The following N4BP3 variants were observed in gnomAD, a reference collection of about 807,000 sequenced individuals.
N4BP3 encodes the protein NEDD4-binding protein 3.
N4BP3 carries 33 observed loss-of-function variants against 43.8 expected under a neutral mutation model. The ratio of observed to expected loss-of-function variants is 0.75; its 90% CI spans 0.57 to 1.01. The LOEUF (loss-of-function observed/expected upper bound fraction) is 1.01, where lower values mean the gene tolerates loss of function less well. N4BP3 is among the 50% of genes least tolerant of loss of function. N4BP3 has a pLI of 0.00. For synonymous variants in N4BP3, 326 were observed against 321.9 expected, an observed-to-expected ratio of 1.01 and a Z score of -0.14; for missense variants, 756 against 744.2, an observed-to-expected ratio of 1.02 and a Z score of -0.18.
Position 178,120,715 on chromosome 5 carries a change from C to A in N4BP3, c.852+16C>A. 1 of 1,563,224 alleles carries A rather than the reference C, an allele frequency of 6.4e-7. No homozygotes were observed. Among genetic ancestry groups the A allele is most frequent in the Non-Finnish European group, 8.6e-7 (1 of 1,159,940 alleles). On this transcript the variant is annotated intron_variant, in intron 3 of 4. Transcript: ENST00000274605. ...CTTCACGCAGGTGAGGGAGCCCCTG[C>A]CCTGGAGTCCTGTTCTGTGCCTCAG... is the stretch of plus-strand genomic sequence containing the variant.
Position 178,125,736 on chromosome 5 carries a change from A to G in N4BP3, c.*3735A>G, listed in dbSNP as rs1381397822. 2 of 152,046 alleles carry G rather than the reference A, an allele frequency of 1.3e-5. No homozygotes were observed. The highest frequency in any genetic ancestry group is 4.8e-5 in the African/African-American group (2 of 41,382). The allele number at this position is 152,046 out of a possible 1,614,324, so 9.4% of individuals were successfully genotyped here. A position where few individuals can be genotyped will look rare whatever the true frequency, so the allele number is the denominator to read the frequency against. ...TTCATTTTGCTTTGGGCTTACTTAGAGTTTTGGCAAATGCAGAGTTATGTA... is the reference window on the plus strand; with the variant it reads ...TTCATTTTGCTTTGGGCTTACTTAGGGTTTTGGCAAATGCAGAGTTATGTA... On this transcript the variant is annotated 3_prime_UTR_variant, in exon 5 of 5. Coordinates refer to ENST00000274605, the MANE Select transcript of N4BP3 (RefSeq NM_015111.2).
At chr5:178,126,413 C>T (rs1284591848), downstream of N4BP3, among the ~76,000 whole-genome samples, 1 of 152,058 alleles carries the variant, frequency 6.6e-6, no homozygotes, top group Non-Finnish European at 1.5e-5. Context: ...CTCCTAACCT[C>T]GTGATCCACC....
At position 178,120,252 on chromosome 5, in the gene N4BP3, G is replaced by C. The variant is rs377627701; in HGVS notation, c.405G>C (p.Ala135=). 6.3e-5 allele frequency: 101 copies of C among 1,607,730 alleles called. No individual in the cohort carries two copies. Among genetic ancestry groups the C allele is most frequent in the Non-Finnish European group, 7.7e-6 (9 of 1,176,210 alleles). Residue 135 remains alanine, a synonymous_variant, in exon 3 of 5, where the codon GCG becomes GCC. Transcript: ENST00000274605. ...GKGFLSMQSL[A]SHKGQKLWRS... is the part of the protein sequence containing the mutation. ...GCTTCCTATCCATGCAAAGTCTGGC[G>C]TCCCACAAAGGCCAGAAGCTGTGGC...
intron 1 of N4BP3, among the ~76,000 whole-genome samples, chr5:178,114,715 C>T (rs982935728): frequency 2.6e-5 from 4 of 152,208 alleles, no homozygotes; most frequent in Non-Finnish European, 5.9e-5. Context: ...GTGCATGTGC[C>T]AGACTGTGAA....
rs1438894223 is a variant in N4BP3, at chr5:178,120,425, G to T, written c.578G>T (p.Ser193Ile). The T allele has an allele frequency of 6.8e-6, 11 of 1,612,906 alleles. No homozygotes were observed. The highest frequency in any genetic ancestry group is 8.5e-6 in the Non-Finnish European group (10 of 1,180,000). The change falls in exon 3 of 5, where the codon AGT (serine) becomes ATT (isoleucine). Residue 193 changes from serine (S) to isoleucine (I), a missense_variant. Physicochemically the swap from Ser to Ile is moderately radical, Grantham distance 142. Coordinates refer to ENST00000274605, the MANE Select transcript of N4BP3 (RefSeq NM_015111.2). ...EPEPSLSDSS[S>I]GGSFGRSPGT... is the part of the protein sequence containing the mutation. ...GAGCCCAGCCTGTCCGACTCCTCCAGTGGGGGTAGTTTTGGTCGCAGTCCT... is the reference window on the plus strand; with the variant it reads ...GAGCCCAGCCTGTCCGACTCCTCCATTGGGGGTAGTTTTGGTCGCAGTCCT...
intron 1 of N4BP3, among the ~76,000 whole-genome samples, chr5:178,116,931 T>C (rs1162583147): frequency 6.6e-6 from 1 of 152,204 alleles, no homozygotes; most frequent in Admixed American, 6.5e-5. Context: ...TCAGTAATCC[T>C]TTGAGGAAAG....
rs183720737 is a variant in N4BP3, at chr5:178,113,942, C to T, written c.-31+171C>T. On this transcript the variant is annotated intron_variant, in intron 1 of 4. Transcript: ENST00000274605. ...GGGGTGGCAAGGTGCGGCGTGCGCC[C>T]AGGTGTCCCCTGCTCCCGGTCACCG... Among the ~76,000 whole-genome samples the T allele has an allele frequency of 2.4e-3, 362 of 152,306 alleles. 7 individuals are homozygous for T. The East Asian group carries it at 0.043, about 18-fold the overall frequency.
intron 3 of N4BP3, 40 bp from the exon 4 acceptor site, chr5:178,121,058 G>T (rs766583967): frequency 1.3e-5 from 20 of 1,582,328 alleles, no homozygotes; most frequent in South Asian, 6.7e-5. Context: ...TCGCCTCTAG[G>T]GGGCAGGGCC....
Position 178,121,164 on chromosome 5 carries a change from G to A in N4BP3, c.919G>A (p.Glu307Lys), listed in dbSNP as rs749999931. 2.5e-6 allele frequency: 4 copies of A among 1,601,374 alleles called. No individual in the cohort carries two copies. The highest frequency in any genetic ancestry group is 2.2e-5 in the East Asian group (1 of 44,756). Residue 307 changes from glutamate (E) to lysine (K), a missense_variant, in exon 4 of 5, where the codon GAG becomes AAG. Coordinates refer to ENST00000274605, the MANE Select transcript of N4BP3 (RefSeq NM_015111.2). ...LKRLYVERLH[E>K]VTQKAERSER... ...GCGCCTGTATGTGGAGCGGCTGCAC[G>A]AGGTGACCCAGAAGGCTGAGCGCAG...
chr5:178,115,343 C>A (rs950114593), intron 1 of N4BP3, among the ~76,000 whole-genome samples: 1 of 152,112 alleles, frequency 6.6e-6, no homozygotes, highest in African/African-American at 2.4e-5. Context: ...TGCCTACTAC[C>A]CCCCCCTTTT....
rs1459722864 is a variant in N4BP3 at position 178,123,269 on chromosome 5, T to TA, written c.*1269dup. 1 of 152,394 alleles carries TA rather than the reference T, an allele frequency of 6.6e-6. No individual in the cohort carries two copies. Among genetic ancestry groups the TA allele is most frequent in the East Asian group, 1.9e-4 (1 of 5,194 alleles). 9.4% of individuals were successfully genotyped at this position (152,394 alleles called of 1,614,324 possible). On this transcript the variant is annotated 3_prime_UTR_variant, in exon 5 of 5. Coordinates refer to ENST00000274605, the MANE Select transcript of N4BP3 (RefSeq NM_015111.2). ...TCCTTTGAGGGAAGCTCAGCTTTCT[T>TA]ACGCGCTCATCGTTGGACGGGCTGC...
chr5:178,122,052 A>T lies in N4BP3; in HGVS notation c.*51A>T, dbSNP rs1350395570. 1 of 1,516,098 alleles carries T rather than the reference A, an allele frequency of 6.6e-7. No individual in the cohort carries two copies. The highest frequency in any genetic ancestry group is 2.3e-5 in the East Asian group (1 of 43,384). 93.9% of individuals were successfully genotyped at this position (1,516,098 alleles called of 1,614,324 possible). ...CAACACTGTCAGAAGGTGCCCTGAGACGGCCGGCTCAGCCTTCCCTTGCAC... is the reference window on the plus strand; with the variant it reads ...CAACACTGTCAGAAGGTGCCCTGAGTCGGCCGGCTCAGCCTTCCCTTGCAC... On this transcript the variant is annotated 3_prime_UTR_variant, in exon 5 of 5. Transcript: ENST00000274605.
Position 178,120,435 on chromosome 5 carries a change from T to A in N4BP3, c.588T>A (p.Ser196Arg). The change falls in exon 3 of 5, where the codon AGT becomes AGA. Residue 196 changes from serine (S) to arginine (R), a missense_variant. Ser to Arg is a moderately radical substitution (Grantham distance 110, BLOSUM62 -1). Coordinates refer to ENST00000274605, the MANE Select transcript of N4BP3 (RefSeq NM_015111.2). ...TGTCCGACTCCTCCAGTGGGGGTAGTTTTGGTCGCAGTCCTGGTACTGGCC... is the reference window on the plus strand; with the variant it reads ...TGTCCGACTCCTCCAGTGGGGGTAGATTTGGTCGCAGTCCTGGTACTGGCC... ...PSLSDSSSGG[S>R]FGRSPGTGPS... The A allele has an allele frequency of 6.2e-7, 1 of 1,612,880 alleles. No individual in the cohort carries two copies. Among genetic ancestry groups the A allele is most frequent in the African/African-American group, 1.3e-5 (1 of 75,008 alleles).
Position 178,119,831 on chromosome 5 carries a change from A to G in N4BP3, c.248A>G (p.Tyr83Cys). 1 of 1,613,242 alleles carries G rather than the reference A, an allele frequency of 6.2e-7. No individual in the cohort carries two copies. The highest frequency in any genetic ancestry group is 8.5e-7 in the Non-Finnish European group (1 of 1,179,988). ...KRAPRNEPAD[Y>C]ATLYYREHSR... is the part of the protein sequence containing the mutation. ...GCCCCTCGGAACGAGCCTGCCGACT[A>G]TGCCACCCTCTACTACCGGGAACAT... Residue 83 changes from tyrosine to cysteine, a missense_variant, in exon 2 of 5, where the codon TAT becomes TGT. By Grantham distance (194) the Tyr-to-Cys change is radical. Transcript: ENST00000274605.
Position 178,124,438 on chromosome 5 carries a change from CCACAGGTGTCACTGAT to C in N4BP3, c.*2450_*2465del, listed in dbSNP as rs1353406080. On this transcript the variant is annotated 3_prime_UTR_variant, in exon 5 of 5. Coordinates refer to ENST00000274605, the MANE Select transcript of N4BP3 (RefSeq NM_015111.2). ...GCTGGGTGGCTCTGGGGCCAACCGA[CCACAGGTGTCACTGAT>C]CACAGGTGTCACCGTAGTGGCTACC... The C allele has an allele frequency of 2.0e-5, 3 of 152,480 alleles. No individual in the cohort carries two copies. The highest frequency in any genetic ancestry group is 7.2e-5 in the African/African-American group (3 of 41,562). The allele number at this position is 152,480 out of a possible 1,614,324, so 9.4% of individuals were successfully genotyped here.
Position 178,121,936 on chromosome 5 carries a change from G to A in N4BP3, c.1570G>A (p.Glu524Lys), listed in dbSNP as rs377505162. ...MYRRNQALEQ[E>K]LRALREPPTP... ...CCGCCGCAACCAGGCACTGGAGCAG[G>A]AACTGCGGGCACTGCGGGAGCCCCC... is the stretch of plus-strand genomic sequence containing the variant. Residue 524 changes from glutamate to lysine, a missense_variant, in exon 5 of 5, where the codon GAA becomes AAA. By Grantham distance (56) the Glu-to-Lys change is moderately conservative (BLOSUM62 1). Coordinates refer to ENST00000274605, the MANE Select transcript of N4BP3 (RefSeq NM_015111.2). The A allele has an allele frequency of 6.2e-7, 1 of 1,612,202 alleles. No homozygotes were observed. The highest frequency in any genetic ancestry group is 1.1e-5 in the South Asian group (1 of 91,016).
Position 178,122,212 on chromosome 5 carries a change from TA to T in N4BP3, c.*212del. On this transcript the variant is annotated 3_prime_UTR_variant, in exon 5 of 5. Transcript: ENST00000274605. ...AAGGCCCTCCTGGCAGAGGAGCACCTAGGCAGGGCCCAGCCCTGCTTCCTGG... is the reference window on the plus strand; with the variant it reads ...AAGGCCCTCCTGGCAGAGGAGCACCTGGCAGGGCCCAGCCCTGCTTCCTGG... 3.5e-6 allele frequency: 2 copies of T among 575,828 alleles called. No homozygotes were observed. The highest frequency in any genetic ancestry group is 2.3e-5 in the South Asian group (1 of 42,722). 35.7% of individuals were successfully genotyped at this position (575,828 alleles called of 1,614,324 possible).
At position 178,123,722 on chromosome 5, in the gene N4BP3, T is replaced by C. The variant is rs3812077; in HGVS notation, c.*1721T>C. On this transcript the variant is annotated 3_prime_UTR_variant, in exon 5 of 5. Coordinates refer to ENST00000274605, the MANE Select transcript of N4BP3 (RefSeq NM_015111.2). ...TGTGCTTGTGGGTGGTGGGTGTGTC[T>C]GAGGGGGTGTGTTTGGGAGCCTGGC... The C allele has an allele frequency of 0.21, 32,799 of 152,946 alleles. 3,719 individuals are homozygous for C. The highest frequency in any genetic ancestry group is 0.28 in the East Asian group (1,431 of 5,172). The allele number at this position is 152,946 out of a possible 1,614,324, so 9.5% of individuals were successfully genotyped here.
rs779880847 is a variant in N4BP3 at position 178,121,583 on chromosome 5, G to T, written c.1217G>T (p.Arg406Leu). 2 of 1,613,384 alleles carry T rather than the reference G, an allele frequency of 1.2e-6. No homozygotes were observed. The highest frequency in any genetic ancestry group is 1.7e-6 in the Non-Finnish European group (2 of 1,179,972). ...AEIFSLKTQL[R>L]GSRAQAQAQD... ...ATCTTCAGTCTGAAGACACAACTTC[G>T]GGGCAGCCGGGCACAAGCCCAGGCT... Residue 406 changes from arginine (R) to leucine (L), a missense_variant, in exon 5 of 5, where the codon CGG (arginine) becomes CTG (leucine). Transcript: ENST00000274605.
Sources: allele counts gnomAD v4.1 joint callset (sites outside exome capture counted in the v4.1 genomes callset), GRCh38; gene constraint gnomAD v4.1.1; transcripts MANE v1.5; gene names NCBI Gene and HGNC (gene_info 2026-07-23, HGNC 2026-07-21).